FAM227B: variants seen among roughly 807,000 people sequenced by gnomAD.
FAM227B encodes protein FAM227B.
A neutral mutation model predicts 73.8 loss-of-function variants in FAM227B; 88 were observed. That is an observed-to-expected ratio of 1.19 (90% CI 1.00 to 1.42). The LOEUF is 1.42. FAM227B is among the 40% of genes most tolerant of loss of function. The pLI, the probability that FAM227B is intolerant of heterozygous loss-of-function variation, is 0.00. For synonymous variants in FAM227B, 210 were observed against 190.5 expected, an observed-to-expected ratio of 1.10 and a Z score of -0.84; for missense variants, 632 against 590.9, an observed-to-expected ratio of 1.07 and a Z score of -0.72.
At chr15:49,379,547 T>G (rs1014200822) in intron 11 of FAM227B, among the ~76,000 whole-genome samples, 3 of 152,216 alleles carry the variant, frequency 2.0e-5, no homozygotes, top group Non-Finnish European at 4.4e-5. Context: ...AATTTGATTT[T>G]CCAATGTATT....
intron 11 of FAM227B, among the ~76,000 whole-genome samples, chr15:49,419,770 T>A (rs1200828480): frequency 1.3e-5 from 2 of 151,860 alleles, no homozygotes; most frequent in African/African-American, 2.4e-5. Flanking sequence ...TTTTTTATTA[T>A]TATTATTTTT....
chr15:49,602,058 G>C (rs896263525), intron 3 of FAM227B, among the ~76,000 whole-genome samples: 1 of 152,158 alleles, frequency 6.6e-6, no homozygotes, highest in Non-Finnish European at 1.5e-5. Flanking sequence ...GGACACTTAA[G>C]ATTGCTTCCT....
chr15:49,354,933 C>A (rs1414405532), intron 13 of FAM227B, among the ~76,000 whole-genome samples: 1 of 152,042 alleles, frequency 6.6e-6, no homozygotes, highest in East Asian at 1.9e-4. Flanking sequence ...TCCCTGACCC[C>A]TGACCCTCGA....
At chr15:49,458,639 T>G (rs2053529792) in intron 11 of FAM227B, among the ~76,000 whole-genome samples, 1 of 152,154 alleles carries the variant, frequency 6.6e-6, no homozygotes, top group African/African-American at 2.4e-5. Flanking sequence ...CCATATTTTC[T>G]GACTTTCATA....
chr15:49,408,984 A>AT (rs1203302813), intron 11 of FAM227B, among the ~76,000 whole-genome samples: 2 of 152,048 alleles, frequency 1.3e-5, no homozygotes, highest in African/African-American at 4.8e-5. Flanking sequence ...CATATTTTAT[A>AT]TTTCTTGGAT....
intron 9 of FAM227B, among the ~76,000 whole-genome samples, chr15:49,551,256 T>TGAGGGA (rs113214972): frequency 0.013 from 1,899 of 151,690 alleles, 41 homozygotes; most frequent in African/African-American, 0.042. Context: ...TGGCTCAGCA[T>TGAGGGA]GAGGGAGAGG....
At chr15:49,462,555 G>C (rs1039947907) in intron 11 of FAM227B, among the ~76,000 whole-genome samples, 11 of 152,152 alleles carry the variant, frequency 7.2e-5, no homozygotes, top group South Asian at 2.1e-4. Flanking sequence ...TTCATTCATT[G>C]TGCATGATCC....
At chr15:49,402,904 T>C (rs1459036626) in intron 11 of FAM227B, among the ~76,000 whole-genome samples, 5 of 152,214 alleles carry the variant, frequency 3.3e-5, no homozygotes, top group Non-Finnish European at 7.3e-5. Context: ...CAGTATGATA[T>C]TGGCTGTGGG....
chr15:49,380,133 C>T (rs1334736282), intron 11 of FAM227B, among the ~76,000 whole-genome samples: 1 of 152,126 alleles, frequency 6.6e-6, no homozygotes, highest in African/African-American at 2.4e-5. Flanking sequence ...TTTCCAAAGG[C>T]AGAGGCGCCT....
intron 11 of FAM227B, chr15:49,396,101 G>C (rs1304254270): frequency 9.5e-6 from 4 of 418,900 alleles, no homozygotes; most frequent in Non-Finnish European, 1.9e-5. Context: ...CATCTCACTA[G>C]GGAGTGCCAG....
intron 11 of FAM227B, among the ~76,000 whole-genome samples, chr15:49,471,478 A>C (rs2054746923): frequency 7.7e-6 from 1 of 129,044 alleles, no homozygotes; most frequent in Admixed American, 8.6e-5. Flanking sequence ...GTGAGACTCT[A>C]TCTCAAAATA....
intron 13 of FAM227B, among the ~76,000 whole-genome samples, chr15:49,341,873 A>T (rs1488204270): frequency 6.6e-6 from 1 of 151,952 alleles, no homozygotes; most frequent in Non-Finnish European, 1.5e-5. Flanking sequence ...TTTGGTATTG[A>T]TACCTATTTT....
In FAM227B at chr15:49,450,110, A is replaced by G. The variant is rs954514851; in HGVS notation, c.1012+58101T>C. Among the ~76,000 whole-genome samples the G allele has an allele frequency of 3.9e-5, 6 of 152,166 alleles. No individual in the cohort carries two copies. In the East Asian group the frequency reaches 1.2e-3, roughly 29 times the overall value. On this transcript the variant is annotated intron_variant, in intron 11 of 15. Coordinates refer to ENST00000299338, the MANE Select transcript of FAM227B (RefSeq NM_152647.3). ...GAAACAAATTAAAACGGAGTTGTGG[A>G]ATAAACATGCCTTCTTACAGGGAAA...
At chr15:49,381,741 T>G (rs2046547728) in intron 11 of FAM227B, among the ~76,000 whole-genome samples, 1 of 152,140 alleles carries the variant, frequency 6.6e-6, no homozygotes, top group Non-Finnish European at 1.5e-5. Flanking sequence ...ACACTAATTG[T>G]TTTTTGTTTT....
At chr15:49,414,778 T>C (rs1194433971) in intron 11 of FAM227B, among the ~76,000 whole-genome samples, 1 of 151,986 alleles carries the variant, frequency 6.6e-6, no homozygotes, top group African/African-American at 2.4e-5. Flanking sequence ...ATTGACATTT[T>C]TTGGAATTAA....
chr15:49,510,325 GAAT>G, intron 10 of FAM227B, among the ~76,000 whole-genome samples: 1 of 151,996 alleles, frequency 6.6e-6, no homozygotes. Flanking sequence ...TGAATATAGA[GAAT>G]AATGTGGACA....
chr15:49,610,450 A>C (rs1392390569), intron 3 of FAM227B, among the ~76,000 whole-genome samples: 1 of 151,468 alleles, frequency 6.6e-6, no homozygotes, highest in Non-Finnish European at 1.5e-5. Context: ...AACTTGTCTA[A>C]ACAAATATAA....
chr15:49,346,341 G>A (rs2041504562), intron 13 of FAM227B, among the ~76,000 whole-genome samples: 1 of 152,126 alleles, frequency 6.6e-6, no homozygotes, highest in Non-Finnish European at 1.5e-5. Context: ...CCTACAAAAT[G>A]CTATGAAGCC....
At chr15:49,583,163 T>C (rs973896901) in intron 5 of FAM227B, among the ~76,000 whole-genome samples, 8 of 145,718 alleles carry the variant, frequency 5.5e-5, no homozygotes, top group Admixed American at 6.8e-5. Context: ...ACAAAAAAAA[T>C]TGAGAAGATC....
Sources: allele counts gnomAD v4.1 joint callset (sites outside exome capture counted in the v4.1 genomes callset), GRCh38; gene constraint gnomAD v4.1.1; transcripts MANE v1.5; gene names NCBI Gene and HGNC (gene_info 2026-07-23, HGNC 2026-07-21).